NADK2: variants seen among roughly 807,000 people sequenced by gnomAD.
The protein encoded by NADK2 is NAD kinase 2, mitochondrial, also known as NAD kinase domain-containing protein 1, mitochondrial.
In NADK2, 35 loss-of-function variants were observed where a neutral mutation model predicts 62.1. The ratio of observed to expected loss-of-function variants is 0.56; its 90% CI spans 0.43 to 0.75. The LOEUF (loss-of-function observed/expected upper bound fraction) is 0.75, where lower values mean the gene tolerates loss of function less well. NADK2 is among the 30% of genes least tolerant of loss of function. The pLI, the probability that NADK2 is intolerant of heterozygous loss-of-function variation, is 0.00. For synonymous variants in NADK2, 205 were observed against 207.9 expected (o/e 0.99, Z 0.12); for missense variants, 439 against 561.3 (o/e 0.78, Z 2.20).
intron 1 of NADK2, among the ~76,000 whole-genome samples, chr5:36,232,887 T>C (rs891445955): frequency 2.6e-5 from 4 of 152,192 alleles, no homozygotes; most frequent in African/African-American, 9.7e-5. Flanking sequence ...TTTCAAATGC[T>C]ACCTTTACAT....
intron 1 of NADK2, among the ~76,000 whole-genome samples, chr5:36,237,674 C>G (rs1214783877): frequency 6.6e-6 from 1 of 152,138 alleles, no homozygotes; most frequent in African/African-American, 2.4e-5. Context: ...AAGAAGTGAT[C>G]AGAAGTGAAG....
At chr5:36,204,356 T>TCA (rs1360389342) in intron 8 of NADK2, among the ~76,000 whole-genome samples, 1 of 152,166 alleles carries the variant, frequency 6.6e-6, no homozygotes, top group Non-Finnish European at 1.5e-5. Context: ...TAATCAGGTC[T>TCA]CATAACTTGC....
rs1746173308 is a variant in NADK2 at position 36,194,957 on chromosome 5, AT to A, written c.*186del. On this transcript the variant is annotated 3_prime_UTR_variant, in exon 12 of 12. Coordinates refer to ENST00000381937, the MANE Select transcript of NADK2 (RefSeq NM_001085411.3). Reference sequence around the variant, plus strand: ...CAATTCTAATTGGTTCAGTCCATCCATTTTCTTATACAGTGAATGTCTTTTT... The same window carrying A: ...CAATTCTAATTGGTTCAGTCCATCCATTTCTTATACAGTGAATGTCTTTTT... 2 of 544,070 alleles carry A rather than the reference AT, an allele frequency of 3.7e-6. No individual in the cohort carries two copies. Among genetic ancestry groups the A allele is most frequent in the Non-Finnish European group, 6.1e-6 (2 of 327,678 alleles). 33.7% of individuals were successfully genotyped at this position (544,070 alleles called of 1,614,324 possible).
At position 36,197,646 on chromosome 5, in the gene NADK2, T is replaced by C; in HGVS notation, c.1085A>G (p.Glu362Gly). 1.3e-6 allele frequency: 2 copies of C among 1,575,114 alleles called. No homozygotes were observed. Among genetic ancestry groups the C allele is most frequent in the Non-Finnish European group, 1.7e-6 (2 of 1,164,392 alleles). The stretch of plus-strand genomic sequence containing the variant: ...TTCTTCCGGACTGTAGAGCAGTGAT[T>C]CATTATATTCATTTGTTACTACAAA... ...LVEKVTNEYN[E>G]SLLYSPEEPK... The change falls in exon 11 of 12, where the codon GAA (glutamate) becomes GGA (glycine). Residue 362 changes from glutamate (E) to glycine (G), a missense_variant. Glu to Gly is a moderately conservative substitution (Grantham distance 98, BLOSUM62 -2). Transcript: ENST00000381937.
intron 10 of NADK2, among the ~76,000 whole-genome samples, chr5:36,199,271 G>A (rs768252681): frequency 2.6e-5 from 4 of 151,978 alleles, no homozygotes; most frequent in South Asian, 4.1e-4. Flanking sequence ...GAATGAGGCC[G>A]TTCTGATAAA....
At chr5:36,226,837 A>C (rs539212243) in intron 2 of NADK2, among the ~76,000 whole-genome samples, 21 of 152,300 alleles carry the variant, frequency 1.4e-4, no homozygotes, top group African/African-American at 4.8e-4. Context: ...AGTGAATAGC[A>C]ATATTGGTTA....
chr5:36,201,686 T>C (rs1285628212), intron 8 of NADK2, among the ~76,000 whole-genome samples: 2 of 151,914 alleles, frequency 1.3e-5, no homozygotes, highest in African/African-American at 2.4e-5. Flanking sequence ...AATATATATA[T>C]AGTATGACTC....
chr5:36,241,631 C>G lies in NADK2; in HGVS notation c.168G>C (p.Ala56=), dbSNP rs1748130103. The change falls in exon 1 of 12, where the codon GCG becomes GCC. Residue 56 remains alanine (A), a synonymous_variant. Transcript: ENST00000381937. This position sits in a 1 kb window ranked among gnomAD's most constrained non-coding sequence, Gnocchi z 4.9. ...CGCCGTCCGCGCGGCTGCCACAGCC[C>G]GCCAGCTCGCGCGGCTGCCCCTGCC... ...HLGQGQPREL[A]GCGSRADGGF... is the part of the protein sequence containing the mutation. 38 of 1,461,196 alleles carry G rather than the reference C, an allele frequency of 2.6e-5. No individual in the cohort carries two copies. Among genetic ancestry groups the G allele is most frequent in the Non-Finnish European group, 3.3e-5 (37 of 1,110,910 alleles). 90.5% of individuals were successfully genotyped at this position (1,461,196 alleles called of 1,614,324 possible). A position where few individuals can be genotyped will look rare whatever the true frequency, so the allele number is the denominator to read the frequency against.
rs542328884 is a variant in NADK2 at position 36,235,859 on chromosome 5, C to A, written c.300+5640G>T. On this transcript the variant is annotated intron_variant, in intron 1 of 11. Coordinates refer to ENST00000381937, the MANE Select transcript of NADK2 (RefSeq NM_001085411.3). ...AGATTGGTCTATTTTCCTGCATAATCCATATCTAGTGGTTTATTATGAAGA... is the reference window on the plus strand; with the variant it reads ...AGATTGGTCTATTTTCCTGCATAATACATATCTAGTGGTTTATTATGAAGA... 2.0e-5 allele frequency among the ~76,000 whole-genome samples: 3 copies of A among 147,466 alleles called. No individual in the cohort carries two copies. In the East Asian group the frequency reaches 6.0e-4, roughly 30 times the overall value.
intron 1 of NADK2, among the ~76,000 whole-genome samples, chr5:36,240,332 G>A (rs1403926751): frequency 4.6e-5 from 7 of 152,224 alleles, no homozygotes; most frequent in Admixed American, 2.6e-4. Flanking sequence ...GAAGCAGGAT[G>A]TTTAATGTTG....
At chr5:36,211,338 T>C (rs1361840169) in intron 7 of NADK2, among the ~76,000 whole-genome samples, 1 of 152,130 alleles carries the variant, frequency 6.6e-6, no homozygotes, top group Non-Finnish European at 1.5e-5. Context: ...CTTCAGCCGG[T>C]CTCTCAGTTC....
intron 6 of NADK2, among the ~76,000 whole-genome samples, chr5:36,216,710 C>T (rs1432814605): frequency 6.6e-6 from 1 of 152,082 alleles, no homozygotes; most frequent in Non-Finnish European, 1.5e-5. Context: ...GGAATCTGAG[C>T]AGTGACTCTT....
In NADK2 at chr5:36,216,912, T is replaced by C. The variant is rs865836529; in HGVS notation, c.781+836A>G. Among the ~76,000 whole-genome samples the C allele has an allele frequency of 5.3e-5, 8 of 152,200 alleles. No individual in the cohort carries two copies. The East Asian group carries it at 1.5e-3, about 29-fold the overall frequency. On this transcript the variant is annotated intron_variant, in intron 6 of 11. Transcript: ENST00000381937. ...TTCATGTGCATATAATTTCTTAAGA[T>C]TTTTTTAAATAGAATTCTTTTTTTG...
At chr5:36,203,598 G>A (rs955842074) in intron 8 of NADK2, among the ~76,000 whole-genome samples, 5 of 152,104 alleles carry the variant, frequency 3.3e-5, no homozygotes, top group Non-Finnish European at 4.4e-5. Context: ...AAGCAACATA[G>A]AGAAGGCTGA....
In NADK2 at chr5:36,217,881, C is replaced by T; in HGVS notation, c.648G>A (p.Trp216Ter). The change falls in exon 6 of 12, where the codon TGG becomes TGA. Residue 216 changes from tryptophan to a stop codon, truncating the protein, a stop_gained. Transcript: ENST00000381937. LOFTEE classifies it high-confidence loss of function. ...ATAACCTGATTCTCTGCCTCCACAA[C>T]CACCTTAGAAAAATGAAGAAAAGGC... Reference protein sequence around the residue: ...LQKFYRGEFRWLWRQRIRLYL... With the variant: ...LQKFYRGEFR 1.2e-6 allele frequency: 2 copies of T among 1,612,312 alleles called. No homozygotes were observed. Among genetic ancestry groups the T allele is most frequent in the Non-Finnish European group, 1.7e-6 (2 of 1,178,998 alleles).
intron 1 of NADK2, among the ~76,000 whole-genome samples, chr5:36,228,979 TA>T (rs1168864704): frequency 2.0e-5 from 3 of 152,140 alleles, no homozygotes. Context: ...AACTATAAAG[TA>T]AAACTAATTT....
At chr5:36,233,158 T>C (rs1204609331) in intron 1 of NADK2, among the ~76,000 whole-genome samples, 1 of 152,162 alleles carries the variant, frequency 6.6e-6, no homozygotes, top group Non-Finnish European at 1.5e-5. Context: ...CTGCTTGAGT[T>C]CTGGACAACA....
At position 36,198,900 on chromosome 5, in the gene NADK2, A is replaced by G. The variant is rs1035122241; in HGVS notation, c.1067-1236T>C. 3.9e-5 allele frequency among the ~76,000 whole-genome samples: 6 copies of G among 151,994 alleles called. 1 individual carries two copies. The Middle Eastern group carries it at 0.01, about 260-fold the overall frequency. On this transcript the variant is annotated intron_variant, in intron 10 of 11. Coordinates refer to ENST00000381937, the MANE Select transcript of NADK2 (RefSeq NM_001085411.3). ...ATTTTAGAGGCAAACTGTCCCCCCA[A>G]CAAAGGAGGTCTTATGTGGAAACCT...
intron 1 of NADK2, among the ~76,000 whole-genome samples, chr5:36,237,588 T>C (rs1747956757): frequency 6.6e-6 from 1 of 152,210 alleles, no homozygotes; most frequent in African/African-American, 2.4e-5. Flanking sequence ...TACTGATCCA[T>C]AAATTAAACT....
Sources: allele counts gnomAD v4.1 joint callset (sites outside exome capture counted in the v4.1 genomes callset), GRCh38; gene constraint gnomAD v4.1.1; non-coding constraint Gnocchi (gnomAD v3.1); transcripts MANE v1.5; gene names NCBI Gene and HGNC (gene_info 2026-07-23, HGNC 2026-07-21).